The following ANKRD12 variants were observed in gnomAD, a reference collection of about 807,000 sequenced individuals.
ANKRD12 encodes ankyrin repeat domain 12.
In ANKRD12, 85 loss-of-function variants were observed where a neutral mutation model predicts 183.4. The observed-to-expected ratio is 0.46, with a 90% confidence interval of 0.39 to 0.56. The LOEUF is 0.56. Ranked by LOEUF, ANKRD12 falls within the 20% of genes least tolerant of loss-of-function variation. The pLI is 0.00. For synonymous variants in ANKRD12, 914 were observed against 800.2 expected, an observed-to-expected ratio of 1.14 and a Z score of -2.40; for missense variants, 2,405 against 2,357.1, an observed-to-expected ratio of 1.02 and a Z score of -0.42.
intron 1 of ANKRD12, among the ~76,000 whole-genome samples, chr18:9,147,869 T>C (rs2078545478): frequency 6.6e-6 from 1 of 152,212 alleles, no homozygotes; most frequent in Admixed American, 6.5e-5. Flanking sequence ...GCTTTTTCAC[T>C]GTACTTACTC....
chr18:9,224,885 G>A (rs952240867), intron 8 of ANKRD12, among the ~76,000 whole-genome samples: 9 of 151,796 alleles, frequency 5.9e-5, no homozygotes, highest in African/African-American at 1.5e-4. Flanking sequence ...TTCTATATAC[G>A]GTATATACCA....
At chr18:9,253,526 A>G (rs560096614) in intron 8 of ANKRD12, among the ~76,000 whole-genome samples, 12 of 152,310 alleles carry the variant, frequency 7.9e-5, no homozygotes, top group African/African-American at 2.2e-4. Flanking sequence ...ATTCTTTTCT[A>G]TGGCTGAATA....
chr18:9,174,356 C>T (rs1234168476), intron 1 of ANKRD12, among the ~76,000 whole-genome samples: 5 of 152,166 alleles, frequency 3.3e-5, no homozygotes, highest in Non-Finnish European at 5.9e-5. Context: ...GGGGAGGATA[C>T]GGATGGATTT....
rs780945144 is a variant in ANKRD12, at chr18:9,257,116, A to T, written c.3849A>T (p.Thr1283=). Residue 1283 remains threonine (T), a synonymous_variant, in exon 9 of 13, where the codon ACA becomes ACT. Coordinates refer to ENST00000262126, the MANE Select transcript of ANKRD12 (RefSeq NM_015208.5). ...IKPPYANRLS[T]SHLRSSSVED... is the part of the protein sequence containing the mutation. ...CACCATATGCAAACAGACTTTCAAC[A>T]TCCCATCTTAGGTCATCTTCTGTAG... 4 of 1,614,042 alleles carry T rather than the reference A, an allele frequency of 2.5e-6. No homozygotes were observed. The African/African-American group carries it at 4.0e-5, about 16-fold the overall frequency.
Position 9,258,228 on chromosome 18 carries a change from A to T in ANKRD12, c.4961A>T (p.Glu1654Val). ...HLSRCDSDLC[E>V]MNAGMPKGNL... ...AGTAGGTGTGATTCTGATTTATGTG[A>T]AATGAATGCAGGGATGCCAAAAGGA... The change falls in exon 9 of 13, where the codon GAA becomes GTA. Residue 1654 changes from glutamate (E) to valine (V), a missense_variant. Transcript: ENST00000262126. The T allele has an allele frequency of 6.2e-7, 1 of 1,613,890 alleles. No individual in the cohort carries two copies. The highest frequency in any genetic ancestry group is 2.2e-5 in the East Asian group (1 of 44,850).
At chr18:9,232,798 C>CT (rs1183826092) in intron 8 of ANKRD12, among the ~76,000 whole-genome samples, 44 of 149,594 alleles carry the variant, frequency 2.9e-4, no homozygotes, top group East Asian at 2.0e-3. Context: ...TTTGTTCATT[C>CT]TTTTTTTTTT....
chr18:9,200,751 TTAAACA>T (rs2035116353), intron 3 of ANKRD12: 1 of 152,184 alleles, frequency 6.6e-6, no homozygotes. Context: ...TAAAACTAAA[TTAAACA>T]TAACCAAAAA....
chr18:9,219,949 A>G (rs530852054), intron 7 of ANKRD12, among the ~76,000 whole-genome samples: 183 of 152,294 alleles, frequency 1.2e-3, no homozygotes, highest in Non-Finnish European at 1.9e-3. Flanking sequence ...ATCAGGGACA[A>G]CTGTTCTTCA....
intron 8 of ANKRD12, among the ~76,000 whole-genome samples, chr18:9,233,886 T>C (rs531251913): frequency 6.2e-4 from 94 of 152,266 alleles, no homozygotes; most frequent in African/African-American, 2.1e-3. Context: ...GGTGGGTCAA[T>C]TCTTAGATGT....
At chr18:9,262,219 A>T (rs1057063784) in intron 9 of ANKRD12, among the ~76,000 whole-genome samples, 1 of 152,180 alleles carries the variant, frequency 6.6e-6, no homozygotes, top group African/African-American at 2.4e-5. Context: ...TTCCTGTGGC[A>T]CTACATCAAG....
chr18:9,276,060 TC>T (rs1250971937), intron 11 of ANKRD12, among the ~76,000 whole-genome samples: 2 of 152,112 alleles, frequency 1.3e-5, no homozygotes, highest in African/African-American at 4.8e-5. Context: ...ACAGAGCGAG[TC>T]TTCTGGTTTG....
At chr18:9,237,774 AG>A (rs2144953241) in intron 8 of ANKRD12, among the ~76,000 whole-genome samples, 1 of 152,314 alleles carries the variant, frequency 6.6e-6, no homozygotes, top group South Asian at 2.1e-4. Context: ...GCCATTAAGG[AG>A]ACGTGTCTTA....
chr18:9,189,086 G>T (rs1261257923), intron 2 of ANKRD12, among the ~76,000 whole-genome samples: 1 of 152,170 alleles, frequency 6.6e-6, no homozygotes, highest in Non-Finnish European at 1.5e-5. Context: ...CCAAGGAAAA[G>T]TTCTTGAAGA....
intron 7 of ANKRD12, among the ~76,000 whole-genome samples, chr18:9,220,663 A>G (rs946325908): frequency 2.0e-5 from 3 of 152,208 alleles, no homozygotes; most frequent in African/African-American, 7.2e-5. Flanking sequence ...TAAAATACAC[A>G]TAGAATCAGT....
chr18:9,269,501 C>G lies in ANKRD12; in HGVS notation c.5763+5613C>G, dbSNP rs1015466016. 5.3e-5 allele frequency among the ~76,000 whole-genome samples: 8 copies of G among 152,228 alleles called. No homozygotes were observed. The East Asian group carries it at 7.7e-4, about 15-fold the overall frequency. ...ACCATCTGATCTTTGACAAACCTGA[C>G]AAAAACAAACAATGGGGAAAGGATT... On this transcript the variant is annotated intron_variant, in intron 10 of 12. Coordinates refer to ENST00000262126, the MANE Select transcript of ANKRD12 (RefSeq NM_015208.5).
In ANKRD12 at chr18:9,281,359, A is replaced by G. The variant is rs1173016669; in HGVS notation, c.*233A>G. On this transcript the variant is annotated 3_prime_UTR_variant, in exon 13 of 13. Transcript: ENST00000262126. ...ATTATTTATATTGGGAAAGGTAACT[A>G]TTGCATTAGAGCATGTTGGCAGACT... 11 of 359,124 alleles carry G rather than the reference A, an allele frequency of 3.1e-5. No individual in the cohort carries two copies. In the East Asian group the frequency reaches 5.9e-4, roughly 19 times the overall value. The allele number at this position is 359,124 out of a possible 1,614,324, so 22.2% of individuals were successfully genotyped here. A position where few individuals can be genotyped will look rare whatever the true frequency, so the allele number is the denominator to read the frequency against.
At position 9,258,466 on chromosome 18, in the gene ANKRD12, A is replaced by G; in HGVS notation, c.5199A>G (p.Gln1733=). 6.2e-7 allele frequency: 1 copy of G among 1,613,794 alleles called. No individual in the cohort carries two copies. The highest frequency in any genetic ancestry group is 1.7e-4 in the Middle Eastern group (1 of 6,058). Residue 1733 remains glutamine, a synonymous_variant, in exon 9 of 13, where the codon CAA becomes CAG. Coordinates refer to ENST00000262126, the MANE Select transcript of ANKRD12 (RefSeq NM_015208.5). The part of the protein sequence containing the change: ...EDDKTENQIP[Q]RMTRNKANTM... ...ATAAAACTGAAAACCAAATCCCTCAAAGAATGACTAGAAACAAAGCAAATA... is the reference window on the plus strand; with the variant it reads ...ATAAAACTGAAAACCAAATCCCTCAGAGAATGACTAGAAACAAAGCAAATA...
chr18:9,265,417 C>G (rs989813789), intron 10 of ANKRD12, among the ~76,000 whole-genome samples: 1 of 152,036 alleles, frequency 6.6e-6, no homozygotes, highest in African/African-American at 2.4e-5. Context: ...GGGTACTCCT[C>G]TGAGACAAAA....
At chr18:9,239,671 C>A in intron 8 of ANKRD12, 1 of 361,652 alleles carries the variant, frequency 2.8e-6, no homozygotes, top group Non-Finnish European at 5.1e-6. Flanking sequence ...AAACTTCATC[C>A]AATCTAAATT....
Sources: gnomAD v4.1 joint callset for allele counts (sites outside exome capture counted in the v4.1 genomes callset) on GRCh38, gnomAD v4.1.1 for gene constraint, MANE v1.5 for transcripts, NCBI Gene and HGNC (gene_info 2026-07-23, HGNC 2026-07-21) for gene names.